SPINK2: variants seen among roughly 807,000 people sequenced by gnomAD.
The protein encoded by SPINK2 is serine peptidase inhibitor Kazal type 2, also known as serine protease inhibitor Kazal-type 2.
In SPINK2, 8 loss-of-function variants were observed where a neutral mutation model predicts 13.5. The ratio of observed to expected loss-of-function variants is 0.59; its 90% CI spans 0.35 to 1.07. The LOEUF (loss-of-function observed/expected upper bound fraction) is 1.07. Ranked by LOEUF, SPINK2 falls within the 50% of genes least tolerant of loss-of-function variation. SPINK2 has a pLI of 0.02. For synonymous variants in SPINK2, 76 were observed against 74.7 expected, an observed-to-expected ratio of 1.02 and a Z score of -0.09; for missense variants, 148 against 180.3, an observed-to-expected ratio of 0.82 and a Z score of 1.03.
chr4:56,817,245 G>A (rs1332344883), intron 2 of SPINK2, among the ~76,000 whole-genome samples: 2 of 152,058 alleles, frequency 1.3e-5, no homozygotes, highest in African/African-American at 4.8e-5. Flanking sequence ...TTTACAAAGT[G>A]TAAGACATGT....
Position 56,821,121 on chromosome 4 carries a change from T to C in SPINK2, c.205+337A>G, listed in dbSNP as rs185630411. Among the ~76,000 whole-genome samples the C allele has an allele frequency of 5.7e-4, 87 of 152,362 alleles. 1 individual carries two copies. The highest frequency in any genetic ancestry group is 1.9e-3 in the African/African-American group (78 of 41,580). ...GAAGTAACCCTTAATTAATAGTTCA[T>C]GATGTTATTTTCCTTTACAACTCGG... On this transcript the variant is annotated intron_variant, in intron 1 of 3. Transcript: ENST00000506738.
intron 2 of SPINK2, among the ~76,000 whole-genome samples, chr4:56,818,670 A>G (rs1439360860): frequency 2.0e-5 from 3 of 152,020 alleles, no homozygotes; most frequent in South Asian, 2.1e-4. Flanking sequence ...TCCAAAAAAC[A>G]AAAAAAGACA....
At chr4:56,811,845 T>A in intron 2 of SPINK2, 51 bp from the exon 3 acceptor site, 2 of 1,075,696 alleles carry the variant, frequency 1.9e-6, no homozygotes, top group Non-Finnish European at 2.8e-6. Flanking sequence ...CACACTCATA[T>A]AAAATAGTTC....
In SPINK2 at chr4:56,821,692, G is replaced by A. The variant is rs1235714209; in HGVS notation, c.-30C>T. 4.7e-6 allele frequency: 7 copies of A among 1,488,608 alleles called. No homozygotes were observed. The highest frequency in any genetic ancestry group is 6.2e-6 in the Non-Finnish European group (7 of 1,122,048). The allele number at this position is 1,488,608 out of a possible 1,614,324, so 92.2% of individuals were successfully genotyped here. A position where few individuals can be genotyped will look rare whatever the true frequency, so the allele number is the denominator to read the frequency against. ...CTCCCGCGCCGGCTGTCTTGCCCCT[G>A]CGGTCTGTTACCTGCGCCACTCGCA... is the stretch of plus-strand genomic sequence containing the variant. On this transcript the variant is annotated 5_prime_UTR_variant, in exon 1 of 4. Coordinates refer to ENST00000506738, the MANE Select transcript of SPINK2 (RefSeq NM_001271718.2).
chr4:56,820,799 G>A (rs1238523574), intron 1 of SPINK2, among the ~76,000 whole-genome samples: 1 of 152,066 alleles, frequency 6.6e-6, no homozygotes, highest in African/African-American at 2.4e-5. Flanking sequence ...ATCCAGTTTG[G>A]GATTTATCCA....
intron 2 of SPINK2, chr4:56,816,704 T>G (rs1717478788): frequency 6.8e-6 from 1 of 146,880 alleles, no homozygotes; most frequent in South Asian, 2.1e-4. Flanking sequence ...TATATAGATA[T>G]ATATACATAT....
Position 56,820,594 on chromosome 4 carries a change from C to A in SPINK2, c.206-15G>T, listed in dbSNP as rs531370610. ...GATCAGAGAGGCTGTAAGAAGAAAGCATAGACATTTTACAGTATAGGATCA... is the reference window on the plus strand; with the variant it reads ...GATCAGAGAGGCTGTAAGAAGAAAGAATAGACATTTTACAGTATAGGATCA... On this transcript the variant is annotated splice_polypyrimidine_tract_variant and intron_variant, in intron 1 of 3. Transcript: ENST00000506738. The A allele has an allele frequency of 6.2e-7, 1 of 1,600,696 alleles. No individual in the cohort carries two copies. The highest frequency in any genetic ancestry group is 8.6e-7 in the Non-Finnish European group (1 of 1,169,372).
chr4:56,821,380 C>G (rs1438470215), intron 1 of SPINK2, 78 bp downstream of exon 1: 2 of 1,420,508 alleles, frequency 1.4e-6, no homozygotes, highest in Admixed American at 3.0e-5. Flanking sequence ...GAGCTGGGAG[C>G]GAAGCCCAAG....
At chr4:56,821,149 TA>T (rs2109454331) in intron 1 of SPINK2, among the ~76,000 whole-genome samples, 1 of 152,284 alleles carries the variant, frequency 6.6e-6, no homozygotes, top group East Asian at 1.9e-4. Flanking sequence ...CAACTCGGGG[TA>T]ACAAATACAA....
At chr4:56,818,584 C>T (rs1165698945) in intron 2 of SPINK2, among the ~76,000 whole-genome samples, 8 of 152,110 alleles carry the variant, frequency 5.3e-5, no homozygotes, top group Non-Finnish European at 1.2e-4. Flanking sequence ...TCACTTGAAC[C>T]CGGGAGGCCT....
upstream of SPINK2, chr4:56,821,718 G>A (rs946323271): frequency 1.4e-6 from 2 of 1,399,244 alleles, no homozygotes; most frequent in South Asian, 1.5e-5. Flanking sequence ...GCCACTCGCA[G>A]GGAGCGCTCG....
rs185718401 is a variant in SPINK2, at chr4:56,814,084, C to T, written c.250-2290G>A. Among the ~76,000 whole-genome samples the T allele has an allele frequency of 1.5e-3, 231 of 151,732 alleles. 1 individual carries two copies. Among genetic ancestry groups the T allele is most frequent in the African/African-American group, 5.2e-3 (217 of 41,414 alleles). On this transcript the variant is annotated intron_variant, in intron 2 of 3. Coordinates refer to ENST00000506738, the MANE Select transcript of SPINK2 (RefSeq NM_001271718.2). Reference sequence around the variant, plus strand: ...GATTAAAGGCACCCACCACCACGCCCGGCTAATTTTTGTATTTTTAGTAGA... The same window carrying T: ...GATTAAAGGCACCCACCACCACGCCTGGCTAATTTTTGTATTTTTAGTAGA...
intron 1 of SPINK2, 113 bp from the exon 2 acceptor site, chr4:56,820,692 A>G (rs1436467188): frequency 3.5e-6 from 3 of 849,194 alleles, no homozygotes; most frequent in Non-Finnish European, 3.7e-6. Flanking sequence ...GCTGGTCTTG[A>G]CCTCCCGGGC....
At chr4:56,820,705 A>C (rs964594346) in intron 1 of SPINK2, 126 bp from the exon 2 acceptor site, 2 of 720,456 alleles carry the variant, frequency 2.8e-6, no homozygotes, top group African/African-American at 1.8e-5. Context: ...TCCCGGGCTT[A>C]AGCGATCTTC....
chr4:56,818,005 T>A (rs1037137328), intron 2 of SPINK2, among the ~76,000 whole-genome samples: 1 of 152,202 alleles, frequency 6.6e-6, no homozygotes, highest in Non-Finnish European at 1.5e-5. Context: ...CACAGAGACA[T>A]GCTACATTCA....
At chr4:56,818,773 C>A (rs1238815790) in intron 2 of SPINK2, among the ~76,000 whole-genome samples, 1 of 152,180 alleles carries the variant, frequency 6.6e-6, no homozygotes, top group Non-Finnish European at 1.5e-5. Context: ...TAATCCCAGC[C>A]TTGAAACGAA....
Position 56,809,909 on chromosome 4 carries a change from C to A in SPINK2, c.*230G>T, listed in dbSNP as rs1716839890. On this transcript the variant is annotated 3_prime_UTR_variant, in exon 4 of 4. Transcript: ENST00000506738. Reference sequence around the variant, plus strand: ...CAACTAAATAAAGCAATGCACAAGTCACCTGGGCAGTAAGCTTAACTCCAG... The same window carrying A: ...CAACTAAATAAAGCAATGCACAAGTAACCTGGGCAGTAAGCTTAACTCCAG... 5 of 1,133,222 alleles carry A rather than the reference C, an allele frequency of 4.4e-6. No individual in the cohort carries two copies. Among genetic ancestry groups the A allele is most frequent in the African/African-American group, 1.6e-5 (1 of 62,094 alleles). The allele number at this position is 1,133,222 out of a possible 1,614,324, so 70.2% of individuals were successfully genotyped here.
intron 3 of SPINK2, chr4:56,810,748 G>A (rs1382124633): frequency 1.3e-5 from 2 of 152,202 alleles, no homozygotes; most frequent in African/African-American, 4.8e-5. Context: ...TTGGAAGGCT[G>A]AGTCAGGAGA....
rs372213330 is a variant in SPINK2 at position 56,820,698 on chromosome 4, C to T, written c.206-119G>A. On this transcript the variant is annotated intron_variant, in intron 1 of 3. Coordinates refer to ENST00000506738, the MANE Select transcript of SPINK2 (RefSeq NM_001271718.2). The stretch of plus-strand genomic sequence containing the variant: ...GTTGCCCAGGCTGGTCTTGACCTCC[C>T]GGGCTTAAGCGATCTTCCTGCCTAG... 1.5e-4 allele frequency: 111 copies of T among 749,886 alleles called. 2 individuals carry two copies. In the African/African-American group the frequency reaches 1.7e-3, roughly 11 times the overall value. The allele number at this position is 749,886 out of a possible 1,614,324, so 46.5% of individuals were successfully genotyped here.
Sources: allele counts gnomAD v4.1 joint callset (sites outside exome capture counted in the v4.1 genomes callset), GRCh38; gene constraint gnomAD v4.1.1; transcripts MANE v1.5; gene names NCBI Gene and HGNC (gene_info 2026-07-23, HGNC 2026-07-21).